The following TMEM50B variants were observed in gnomAD, a reference collection of about 807,000 sequenced individuals.
The protein encoded by TMEM50B is HCV p7-trans-regulated protein 3.
Under a neutral mutation model 23.4 loss-of-function variants are expected in TMEM50B, and 14 were observed. That is an observed-to-expected ratio of 0.60 (90% CI 0.39 to 0.93). The LOEUF (loss-of-function observed/expected upper bound fraction) is 0.93, where lower values mean the gene tolerates loss of function less well. Ranked by LOEUF, TMEM50B falls within the 40% of genes least tolerant of loss-of-function variation. The probability of loss-of-function intolerance (pLI) is 0.00; values close to 1 mark genes in which losing one functional copy is unlikely to be tolerated. For synonymous variants in TMEM50B, 64 were observed against 62.3 expected (o/e 1.03, Z -0.13); for missense variants, 159 against 193.0 (o/e 0.82, Z 1.04).
At chr21:33,470,447 A>AAAAAAAC (rs2084303630) in intron 1 of TMEM50B, among the ~76,000 whole-genome samples, 2 of 147,934 alleles carry the variant, frequency 1.4e-5, no homozygotes. Flanking sequence ...AAAAAAAAAA[A>AAAAAAAC]TCGGCTAGGC....
chr21:33,436,176 G>GA (rs34668649), intron 8 of TMEM50B, among the ~76,000 whole-genome samples: 151,769 of 151,776 alleles, frequency 1, 75,881 homozygotes, highest in Middle Eastern at 1. Flanking sequence ...GACCAACATG[G>GA]GAAACCCCGT....
At chr21:33,474,593 G>C (rs957788272) in intron 1 of TMEM50B, among the ~76,000 whole-genome samples, 1 of 148,054 alleles carries the variant, frequency 6.8e-6, no homozygotes, top group African/African-American at 2.5e-5. Context: ...ACACCAGCCT[G>C]GTGAAACCCT....
chr21:33,448,886 AAC>A (rs1340244757), downstream of TMEM50B: 1 of 151,798 alleles, frequency 6.6e-6, no homozygotes, highest in East Asian at 1.9e-4. Flanking sequence ...CAGCCTAGGC[AAC>A]AGAGTGAGAT....
chr21:33,443,348 C>A (rs1233200291), intron 7 of TMEM50B, among the ~76,000 whole-genome samples: 1 of 152,194 alleles, frequency 6.6e-6, no homozygotes, highest in African/African-American at 2.4e-5. Context: ...AGTGGCCAGC[C>A]CCATGCTAAC....
chr21:33,462,000 T>C (rs2084221481), intron 4 of TMEM50B, among the ~76,000 whole-genome samples: 1 of 152,168 alleles, frequency 6.6e-6, no homozygotes, highest in Non-Finnish European at 1.5e-5. Context: ...CTGTAACATT[T>C]TCTCTTGTTT....
chr21:33,454,008 G>A (rs1457728750), intron 6 of TMEM50B, among the ~76,000 whole-genome samples: 1 of 148,998 alleles, frequency 6.7e-6, no homozygotes, highest in Non-Finnish European at 1.5e-5. Flanking sequence ...GGAGGCTGAG[G>A]CACGGAATTG....
At chr21:33,476,251 C>G (rs938468170) in intron 1 of TMEM50B, among the ~76,000 whole-genome samples, 1 of 151,580 alleles carries the variant, frequency 6.6e-6, no homozygotes, top group Non-Finnish European at 1.5e-5. Flanking sequence ...GAGGTGGTGG[C>G]GCATGTCTGT....
At chr21:33,477,271 A>G (rs2084382210) in intron 1 of TMEM50B, among the ~76,000 whole-genome samples, 2 of 150,226 alleles carry the variant, frequency 1.3e-5, no homozygotes, top group Non-Finnish European at 3.0e-5. Flanking sequence ...TGGGCAACAC[A>G]GTGAGACCCG....
intron 1 of TMEM50B, among the ~76,000 whole-genome samples, chr21:33,471,389 G>T (rs1454285829): frequency 6.6e-6 from 1 of 152,076 alleles, no homozygotes; most frequent in Non-Finnish European, 1.5e-5. Flanking sequence ...AGGAAAATGT[G>T]ATCTATTTTT....
At chr21:33,434,211 T>C (rs535442241) in intron 8 of TMEM50B, among the ~76,000 whole-genome samples, 1 of 152,154 alleles carries the variant, frequency 6.6e-6, no homozygotes, top group South Asian at 2.1e-4. Context: ...AGAGGCGAGC[T>C]GAGAGAAGAA....
At chr21:33,443,892 GTTT>G (rs762875551) in intron 7 of TMEM50B, among the ~76,000 whole-genome samples, 1,170 of 95,840 alleles carry the variant, frequency 0.012, 8 homozygotes, top group African/African-American at 0.066. Flanking sequence ...ATTCTTTGTG[GTTT>G]TTTTTTGTTT....
At chr21:33,478,727 A>G (rs1192513336) in intron 1 of TMEM50B, 9 of 464,188 alleles carry the variant, frequency 1.9e-5, no homozygotes, top group Non-Finnish European at 3.6e-5. Context: ...TTTCAATAAC[A>G]AAGTCTTGCA....
Position 33,468,847 on chromosome 21 carries a change from A to C in TMEM50B, c.39T>G (p.Cys13Trp). 1.2e-6 allele frequency: 2 copies of C among 1,613,922 alleles called. No homozygotes were observed. The highest frequency in any genetic ancestry group is 1.7e-6 in the Non-Finnish European group (2 of 1,179,984). Reference protein sequence around the residue: ...GFLDNFRWPECECIDWSERRN... With the variant: ...GFLDNFRWPEWECIDWSERRN... ...TTCTCTCACTCCAGTCAATACATTC[A>C]CATTCTGGCCAACGAAAATTATCTA... The change falls in exon 2 of 7, where the codon TGT (cysteine) becomes TGG (tryptophan). Residue 13 changes from cysteine to tryptophan, a missense_variant. Physicochemically the swap from Cys to Trp is radical, Grantham distance 215. Transcript: ENST00000542230.
chr21:33,466,260 C>T (rs1366731640), intron 3 of TMEM50B, among the ~76,000 whole-genome samples: 1 of 151,736 alleles, frequency 6.6e-6, no homozygotes, highest in Non-Finnish European at 1.5e-5. Context: ...GACTCTGTCT[C>T]AAAAACAAAA....
At chr21:33,476,749 A>C (rs1350899886) in intron 1 of TMEM50B, among the ~76,000 whole-genome samples, 1 of 123,926 alleles carries the variant, frequency 8.1e-6, no homozygotes, top group Non-Finnish European at 1.6e-5. Flanking sequence ...CGACAGAGTG[A>C]GACTCCATCT....
At chr21:33,454,642 A>G (rs963203299) in intron 6 of TMEM50B, among the ~76,000 whole-genome samples, 10 of 152,010 alleles carry the variant, frequency 6.6e-5, no homozygotes, top group Non-Finnish European at 4.4e-5. Flanking sequence ...TTTTCTTCAT[A>G]AAGGTACTTT....
chr21:33,455,295 A>G (rs186472147), intron 6 of TMEM50B, among the ~76,000 whole-genome samples: 1 of 152,110 alleles, frequency 6.6e-6, no homozygotes, highest in Non-Finnish European at 1.5e-5. Flanking sequence ...GGCTCAAGCA[A>G]TCCTCCCACC....
At chr21:33,437,278 C>A in intron 8 of TMEM50B, 3 of 317,830 alleles carry the variant, frequency 9.4e-6, no homozygotes, top group South Asian at 6.2e-5. Flanking sequence ...ATACTTTTTT[C>A]ATTATTGGTT....
chr21:33,438,854 C>T (rs532211275), intron 8 of TMEM50B, among the ~76,000 whole-genome samples: 5 of 152,114 alleles, frequency 3.3e-5, no homozygotes, highest in South Asian at 2.1e-4. Flanking sequence ...CTCAGCCTCC[C>T]GAATAGCTGG....
Sources: allele counts gnomAD v4.1 joint callset (sites outside exome capture counted in the v4.1 genomes callset), GRCh38; gene constraint gnomAD v4.1.1; transcripts MANE v1.5; gene names NCBI Gene and HGNC (gene_info 2026-07-23, HGNC 2026-07-21).